DOCK2: variants seen among roughly 807,000 people sequenced by gnomAD.
DOCK2 encodes the protein dedicator of cytokinesis 2.
A neutral mutation model predicts 248.9 loss-of-function variants in DOCK2; 87 were observed. That is an observed-to-expected ratio of 0.35 (90% CI 0.29 to 0.42). The LOEUF (loss-of-function observed/expected upper bound fraction) is 0.42. Ranked by LOEUF, DOCK2 falls within the 10% of genes least tolerant of loss-of-function variation. DOCK2 has a pLI of 1.00. For synonymous variants in DOCK2, 805 were observed against 821.6 expected, an observed-to-expected ratio of 0.98 and a Z score of 0.35; for missense variants, 1,747 against 2,300.2, an observed-to-expected ratio of 0.76 and a Z score of 4.92.
At chr5:169,969,655 G>A (rs999548705) in intron 27 of DOCK2, among the ~76,000 whole-genome samples, 1 of 152,206 alleles carries the variant, frequency 6.6e-6, no homozygotes, top group East Asian at 1.9e-4. Flanking sequence ...AAGGTCACAC[G>A]TGCAGTGCCT....
chr5:169,684,180 T>C lies in DOCK2; in HGVS notation c.607-16T>C, dbSNP rs1185333335. 1.2e-6 allele frequency: 2 copies of C among 1,613,372 alleles called. No individual in the cohort carries two copies. Among genetic ancestry groups the C allele is most frequent in the Non-Finnish European group, 1.7e-6 (2 of 1,179,448 alleles). On this transcript the variant is annotated splice_polypyrimidine_tract_variant and intron_variant, in intron 7 of 51. Transcript: ENST00000520908. ...AATTTTCTCCATCTTCTTTCCTTCT[T>C]CCTTCTGCCTTTCAGTCAAAAGACC...
intron 27 of DOCK2, among the ~76,000 whole-genome samples, chr5:169,978,696 C>T (rs942245382): frequency 6.6e-6 from 1 of 152,068 alleles, no homozygotes; most frequent in Non-Finnish European, 1.5e-5. Flanking sequence ...GACCTCCCTA[C>T]GTCCCGAAGG....
chr5:169,786,317 T>C (rs1765976461), intron 25 of DOCK2, among the ~76,000 whole-genome samples: 1 of 152,164 alleles, frequency 6.6e-6, no homozygotes, highest in African/African-American at 2.4e-5. Context: ...CTTTGGCCCC[T>C]GAGGAATTTG....
At chr5:170,061,561 C>T (rs1757328581) in intron 44 of DOCK2, among the ~76,000 whole-genome samples, 1 of 152,188 alleles carries the variant, frequency 6.6e-6, no homozygotes, top group Non-Finnish European at 1.5e-5. Context: ...GAAATCTAGG[C>T]CTTTCACCAA....
intron 50 of DOCK2, 135 bp from the exon 51 acceptor site, chr5:170,081,707 C>T: frequency 9.9e-7 from 1 of 1,009,750 alleles, no homozygotes; most frequent in Non-Finnish European, 1.4e-6. Context: ...AGGCATCCTG[C>T]CTCCTGCTTG....
intron 27 of DOCK2, among the ~76,000 whole-genome samples, chr5:169,934,113 G>A (rs1288931062): frequency 1.3e-5 from 2 of 152,190 alleles, no homozygotes; most frequent in Non-Finnish European, 2.9e-5. Flanking sequence ...GGTAGCTGTG[G>A]GGTTGAGAAC....
At chr5:170,017,825 C>G (rs941192385) in intron 32 of DOCK2, among the ~76,000 whole-genome samples, 1 of 152,172 alleles carries the variant, frequency 6.6e-6, no homozygotes, top group Non-Finnish European at 1.5e-5. Flanking sequence ...GGCAACACTG[C>G]CCTTGGCACT....
At chr5:170,003,572 A>C (rs111512494) in intron 30 of DOCK2, among the ~76,000 whole-genome samples, 3 of 152,344 alleles carry the variant, frequency 2.0e-5, no homozygotes, top group African/African-American at 7.2e-5. Flanking sequence ...GGATGTAAGA[A>C]TAGGACACAA....
At chr5:170,059,712 A>G (rs1757262110) in intron 44 of DOCK2, among the ~76,000 whole-genome samples, 2 of 152,238 alleles carry the variant, frequency 1.3e-5, no homozygotes, top group South Asian at 2.1e-4. Context: ...CTGGCCCACA[A>G]CTGATGCTAA....
At chr5:170,074,496 C>T (rs780051231) in intron 46 of DOCK2, among the ~76,000 whole-genome samples, 15 of 152,200 alleles carry the variant, frequency 9.9e-5, no homozygotes, top group East Asian at 1.9e-4. Context: ...GACCCACAGA[C>T]GTCTCTCTCT....
At chr5:170,041,019 C>A in intron 36 of DOCK2, 36 bp from the exon 37 acceptor site, 3 of 1,588,508 alleles carry the variant, frequency 1.9e-6, no homozygotes, top group Non-Finnish European at 2.6e-6. Flanking sequence ...CTTTTCACTG[C>A]ACCTGGTAGC....
At chr5:169,924,574 A>G (rs1279295131) in intron 27 of DOCK2, among the ~76,000 whole-genome samples, 1 of 152,188 alleles carries the variant, frequency 6.6e-6, no homozygotes, top group Non-Finnish European at 1.5e-5. Context: ...CTGAACACCC[A>G]TCTCATCTCT....
At chr5:169,802,805 TA>T (rs900531118) in intron 25 of DOCK2, among the ~76,000 whole-genome samples, 19 of 152,188 alleles carry the variant, frequency 1.2e-4, no homozygotes, top group African/African-American at 4.6e-4. Flanking sequence ...TGTGTATATA[TA>T]AAATATATAG....
Position 169,737,384 on chromosome 5 carries a change from A to G in DOCK2, c.2268-10012A>G, listed in dbSNP as rs1763093117. On this transcript the variant is annotated intron_variant, in intron 22 of 51. Transcript: ENST00000520908. ...CCTTGAGTGTCAGGCCATGACCTCT[A>G]GAAATTATCTTAGGGAAATGGGGAG... is the stretch of plus-strand genomic sequence containing the variant. 2.6e-5 allele frequency among the ~76,000 whole-genome samples: 4 copies of G among 152,186 alleles called. No homozygotes were observed. In the South Asian group the frequency reaches 8.3e-4, roughly 31 times the overall value.
intron 1 of DOCK2, among the ~76,000 whole-genome samples, chr5:169,641,389 G>C (rs1436455174): frequency 6.6e-6 from 1 of 152,168 alleles, no homozygotes; most frequent in East Asian, 1.9e-4. Flanking sequence ...CAGGGATGTG[G>C]GTGATGCTGT....
intron 1 of DOCK2, among the ~76,000 whole-genome samples, chr5:169,641,274 G>C (rs1190430632): frequency 6.6e-6 from 1 of 152,122 alleles, no homozygotes; most frequent in South Asian, 2.1e-4. Context: ...TTTTTGGAGG[G>C]GGAGGGCACA....
chr5:169,874,194 C>T (rs1561784724), intron 27 of DOCK2, among the ~76,000 whole-genome samples: 1 of 152,102 alleles, frequency 6.6e-6, no homozygotes, highest in Non-Finnish European at 1.5e-5. Context: ...CAGTGGATCA[C>T]TTGAGGTCAG....
At chr5:169,979,758 C>T (rs767410414) in intron 27 of DOCK2, among the ~76,000 whole-genome samples, 10 of 152,166 alleles carry the variant, frequency 6.6e-5, no homozygotes, top group Non-Finnish European at 8.8e-5. Context: ...GGTTTTTCTA[C>T]GTGGTAGTGA....
chr5:169,938,893 T>C lies in DOCK2; in HGVS notation c.2800-44175T>C, dbSNP rs1319105840. On this transcript the variant is annotated intron_variant, in intron 27 of 51. Transcript: ENST00000520908. ...TATCCTTATTCTACAAGCATTTTTC[T>C]TTCTTTTTTTTCTTTTCTTTTTTTT... 2.1e-5 allele frequency among the ~76,000 whole-genome samples: 3 copies of C among 145,814 alleles called. No individual in the cohort carries two copies. The Admixed American group carries it at 2.2e-4, about 11-fold the overall frequency.
Sources: allele counts gnomAD v4.1 joint callset (sites outside exome capture counted in the v4.1 genomes callset), GRCh38; gene constraint gnomAD v4.1.1; transcripts MANE v1.5; gene names NCBI Gene and HGNC (gene_info 2026-07-23, HGNC 2026-07-21).